CSN1S1: variants seen among roughly 807,000 people sequenced by gnomAD.
CSN1S1 encodes the protein alpha-S1-casein.
In CSN1S1, 63 loss-of-function variants were observed where a neutral mutation model predicts 49.1. That is an observed-to-expected ratio of 1.28 (90% confidence interval 1.05 to 1.58). The LOEUF is 1.58. Ranked by LOEUF, CSN1S1 falls within the 40% of genes most tolerant of loss-of-function variation. CSN1S1 has a pLI of 0.00. For missense variants in CSN1S1, 260 were observed against 224.7 expected, an observed-to-expected ratio of 1.16 and a Z score of -1.01; for synonymous variants, 78 against 67.1, an observed-to-expected ratio of 1.16 and a Z score of -0.79.
chr4:69,945,727 A>G (rs1423835089), intron 15 of CSN1S1, among the ~76,000 whole-genome samples: 2 of 151,934 alleles, frequency 1.3e-5, no homozygotes, highest in Non-Finnish European at 2.9e-5. Context: ...CTTATTTTTT[A>G]TGGTCAAATA....
rs544501656 is a variant in CSN1S1, at chr4:69,944,273, C to T, written c.403-577C>T. Reference sequence around the variant, plus strand: ...ACACAGAAAAAATTAAGTGTAATCTCATTATGAATCAACAGAAGCAACTAT... The same window carrying T: ...ACACAGAAAAAATTAAGTGTAATCTTATTATGAATCAACAGAAGCAACTAT... On this transcript the variant is annotated intron_variant, in intron 14 of 15. Transcript: ENST00000246891. 5.9e-5 allele frequency among the ~76,000 whole-genome samples: 9 copies of T among 151,946 alleles called. No homozygotes were observed. The South Asian group carries it at 1.9e-3, about 32-fold the overall frequency.
In CSN1S1 at chr4:69,941,077, T is replaced by A; in HGVS notation, c.342+17T>A. On this transcript the variant is annotated intron_variant, in intron 12 of 15. Transcript: ENST00000246891. Reference sequence around the variant, plus strand: ...CTTCAGCTGGTAATATTTTATTCATTATAATACAAAATCATATTCTACTAT... The same window carrying A: ...CTTCAGCTGGTAATATTTTATTCATAATAATACAAAATCATATTCTACTAT... 7.5e-7 allele frequency: 1 copy of A among 1,336,200 alleles called. No individual in the cohort carries two copies. The highest frequency in any genetic ancestry group is 1.0e-6 in the Non-Finnish European group (1 of 965,558). 82.8% of individuals were successfully genotyped at this position (1,336,200 alleles called of 1,614,324 possible).
intron 7 of CSN1S1, 70 bp downstream of exon 7, chr4:69,936,677 TA>T: frequency 7.0e-7 from 1 of 1,432,374 alleles, no homozygotes; most frequent in Non-Finnish European, 9.4e-7. Flanking sequence ...AGTTTTCCTT[TA>T]GGAAAAAAAA....
At chr4:69,934,880 A>G (rs1722722005) in intron 4 of CSN1S1, among the ~76,000 whole-genome samples, 170 bp downstream of exon 4, 1 of 152,072 alleles carries the variant, frequency 6.6e-6, no homozygotes, top group Admixed American at 6.6e-5. Context: ...TGAAATTCCT[A>G]TTTGACTTCT....
Position 69,942,538 on chromosome 4 carries a change from G to C in CSN1S1, c.363G>C (p.Glu121Asp). 5 of 1,585,196 alleles carry C rather than the reference G, an allele frequency of 3.2e-6. No homozygotes were observed. Among genetic ancestry groups the C allele is most frequent in the Non-Finnish European group, 4.3e-6 (5 of 1,164,012 alleles). The stretch of plus-strand genomic sequence containing the variant: ...AGAATGTGTTTCCTTTTATGCAGGA[G>C]CAAATTCGCAGAATGAATGAAAACA... ...QLQLQAAHAQ[E>D]QIRRMNENSH... The change falls in exon 14 of 16, where the codon GAG (glutamate) becomes GAC (aspartate). Residue 121 changes from glutamate to aspartate, a missense_variant and splice_region_variant. Transcript: ENST00000246891.
At chr4:69,932,426 C>A in intron 1 of CSN1S1, 118 bp from the exon 2 acceptor site, 1 of 779,526 alleles carries the variant, frequency 1.3e-6, no homozygotes, top group Non-Finnish European at 2.1e-6. Flanking sequence ...ATTACAGCTC[C>A]TCAAATCAGC....
chr4:69,942,161 A>T (rs1722990487), intron 13 of CSN1S1, 98 bp downstream of exon 13: 1 of 751,696 alleles, frequency 1.3e-6, no homozygotes, highest in Non-Finnish European at 2.1e-6. Flanking sequence ...ATATTCTGAG[A>T]GAGTGTTCTA....
At chr4:69,943,446 A>G (rs1723048706) in intron 14 of CSN1S1, among the ~76,000 whole-genome samples, 2 of 152,058 alleles carry the variant, frequency 1.3e-5, no homozygotes, top group South Asian at 4.1e-4. Context: ...TGGCCTCCCA[A>G]AGTGCTGGGA....
At chr4:69,938,108 T>C (rs1181319089) in intron 9 of CSN1S1, among the ~76,000 whole-genome samples, 1 of 151,834 alleles carries the variant, frequency 6.6e-6, no homozygotes, top group East Asian at 1.9e-4. Flanking sequence ...AAAATGCTTA[T>C]TCATTAAAAT....
At chr4:69,940,144 C>G in intron 11 of CSN1S1, 100 bp downstream of exon 11, 1 of 532,102 alleles carries the variant, frequency 1.9e-6, no homozygotes, top group Non-Finnish European at 3.1e-6. Context: ...CACACACACA[C>G]ACACACGGGA....
chr4:69,945,850 T>TG (rs1491576471), intron 15 of CSN1S1, among the ~76,000 whole-genome samples: 126 of 25,106 alleles, frequency 5.0e-3, no homozygotes, highest in Admixed American at 0.014. Flanking sequence ...CAATTGTGTG[T>TG]TTGTGTGTGT....
intron 11 of CSN1S1, 67 bp downstream of exon 11, chr4:69,940,111 T>A: frequency 2.5e-6 from 1 of 404,082 alleles, no homozygotes; most frequent in Non-Finnish European, 4.5e-6. Context: ...GCACTTACTT[T>A]CACACACACA....
rs746672623 is a variant in CSN1S1 at position 69,932,562 on chromosome 4, C to T, written c.7C>T (p.Leu3Phe). The T allele has an allele frequency of 3.7e-6, 6 of 1,603,186 alleles. No homozygotes were observed. In the South Asian group the frequency reaches 4.5e-5, roughly 12 times the overall value. ...TACATAGGCTCTGATAACCATGAGG[C>T]TTCTCATTCTCACCTGTCTTGTGGC... Reference protein sequence around the residue: MRLLILTCLVAVA... With the variant: MRFLILTCLVAVA... The change falls in exon 2 of 16, where the codon CTT becomes TTT. Residue 3 changes from leucine to phenylalanine, a missense_variant. Physicochemically the swap from Leu to Phe is conservative, Grantham distance 22. Transcript: ENST00000246891.
intron 2 of CSN1S1, among the ~76,000 whole-genome samples, chr4:69,933,165 G>A (rs1031000459): frequency 4.0e-5 from 6 of 150,840 alleles, no homozygotes; most frequent in African/African-American, 1.5e-4. Context: ...TGTAGACAAT[G>A]AAACTAGATA....
rs1723164953 is a variant in CSN1S1 at position 69,946,280 on chromosome 4, T to C, written c.*84T>C. 1.2e-5 allele frequency: 5 copies of C among 413,552 alleles called. No homozygotes were observed. The highest frequency in any genetic ancestry group is 2.0e-5 in the African/African-American group (1 of 48,926). The allele number at this position is 413,552 out of a possible 1,614,324, so 25.6% of individuals were successfully genotyped here. ...AGACTGGACTGTTGTTTTAGAATAGTAAAATCCCATATTGAAGGAAATTGT... is the reference window on the plus strand; with the variant it reads ...AGACTGGACTGTTGTTTTAGAATAGCAAAATCCCATATTGAAGGAAATTGT... On this transcript the variant is annotated 3_prime_UTR_variant, in exon 16 of 16. Coordinates refer to ENST00000246891, the MANE Select transcript of CSN1S1 (RefSeq NM_001890.2).
Position 69,939,205 on chromosome 4 carries a change from T to C in CSN1S1, c.273T>C (p.Ser91=). 6.3e-7 allele frequency: 1 copy of C among 1,596,344 alleles called. No homozygotes were observed. Among genetic ancestry groups the C allele is most frequent in the Non-Finnish European group, 8.6e-7 (1 of 1,167,092 alleles). The change falls in exon 10 of 16, where the codon AGT becomes AGC. Residue 91 remains serine, a synonymous_variant. Coordinates refer to ENST00000246891, the MANE Select transcript of CSN1S1 (RefSeq NM_001890.2). ...EKMESSISSS[S]EEMSLSKCAE... ...TGGAATCCAGCATCAGTTCATCGAG[T>C]GAGGTAAATAATTTTGATATTAATT...
In CSN1S1 at chr4:69,935,954, G is replaced by T. The variant is rs539799242; in HGVS notation, c.129+5G>T. 4 of 1,539,184 alleles carry T rather than the reference G, an allele frequency of 2.6e-6. No individual in the cohort carries two copies. In the South Asian group the frequency reaches 4.8e-5, roughly 19 times the overall value. On this transcript the variant is annotated splice_donor_5th_base_variant and intron_variant, in intron 5 of 15. Coordinates refer to ENST00000246891, the MANE Select transcript of CSN1S1 (RefSeq NM_001890.2). ...ATACCATTAGAATCAAGAGAGGTAA[G>T]AATGACTCCACAGAATTTACCGTGC...
At chr4:69,934,450 T>A (rs1171300553) in intron 3 of CSN1S1, among the ~76,000 whole-genome samples, 1 of 152,150 alleles carries the variant, frequency 6.6e-6, no homozygotes, top group Admixed American at 6.6e-5. Context: ...TTAATAAAAA[T>A]CTTATTTTTA....
At chr4:69,935,586 C>T (rs539855904) in intron 4 of CSN1S1, among the ~76,000 whole-genome samples, 1 of 151,918 alleles carries the variant, frequency 6.6e-6, no homozygotes, top group Admixed American at 6.6e-5. Flanking sequence ...AGTTAATCAA[C>T]CCTTCCCTTC....
Sources: gnomAD v4.1 joint callset for allele counts (sites outside exome capture counted in the v4.1 genomes callset) on GRCh38, gnomAD v4.1.1 for gene constraint, MANE v1.5 for transcripts, NCBI Gene and HGNC (gene_info 2026-07-23, HGNC 2026-07-21) for gene names.